Variants in HYDIN observed in about 807,000 individuals in gnomAD.
The protein encoded by HYDIN is axonemal central pair apparatus protein HYDIN.
A neutral mutation model predicts 403.9 loss-of-function variants in HYDIN; 132 were observed. That is an observed-to-expected ratio of 0.33 (90% CI 0.28 to 0.38). The LOEUF is 0.38. Ranked by LOEUF, HYDIN falls within the 10% of genes least tolerant of loss-of-function variation. HYDIN has a pLI of 1.00. For missense variants in HYDIN, 2,827 were observed against 5,009.5 expected, an observed-to-expected ratio of 0.56 and a Z score of 13.15; for synonymous variants, 1,202 against 1,891.7, an observed-to-expected ratio of 0.64 and a Z score of 9.46.
chr16:71,176,827 T>C (rs1315552439), intron 4 of HYDIN, among the ~76,000 whole-genome samples: 2 of 152,216 alleles, frequency 1.3e-5, no homozygotes, highest in Non-Finnish European at 2.9e-5. Flanking sequence ...ATCCTCTGTG[T>C]GTGAGGGACG....
intron 83 of HYDIN, among the ~76,000 whole-genome samples, chr16:70,820,018 C>CA (rs1298309787): frequency 4.0e-5 from 5 of 126,324 alleles, no homozygotes; most frequent in Non-Finnish European, 8.3e-5. Flanking sequence ...GACGGGGTTT[C>CA]ACCGTGTTAG....
chr16:71,097,747 C>A (rs1414787467), intron 10 of HYDIN, among the ~76,000 whole-genome samples: 1 of 149,056 alleles, frequency 6.7e-6, no homozygotes, highest in Non-Finnish European at 1.5e-5. Flanking sequence ...CATATAATTT[C>A]AAGTTCTCTA....
chr16:70,959,061 T>C (rs558884197), intron 39 of HYDIN, among the ~76,000 whole-genome samples: 9 of 152,196 alleles, frequency 5.9e-5, no homozygotes, highest in South Asian at 2.1e-4. Context: ...ATTTTTTTTT[T>C]CCCAATGTAG....
Position 70,862,161 on chromosome 16 carries a change from C to T in HYDIN, c.11664G>A (p.Gln3888=), listed in dbSNP as rs372684458. The T allele has an allele frequency of 1.6e-5, 25 of 1,612,902 alleles. No individual in the cohort carries two copies. In the African/African-American group the frequency reaches 3.2e-4, roughly 21 times the overall value. ...CCGAAGAGGGCTCCACAGAGAAGGG[C>T]TGTGGGGAACCCTCGGCCCAGTGGT... ...TMDHWAEGSP[Q]PFSVEPSSGI... is the part of the protein sequence containing the mutation. Residue 3888 remains glutamine, a synonymous_variant, in exon 69 of 86, where the codon CAG becomes CAA. Transcript: ENST00000393567.
chr16:70,913,406 T>C (rs1285934861), intron 47 of HYDIN, among the ~76,000 whole-genome samples: 1 of 152,008 alleles, frequency 6.6e-6, no homozygotes, highest in East Asian at 1.9e-4. Flanking sequence ...CGGGAGCAGG[T>C]TATTTAATTT....
chr16:71,146,031 A>G (rs901783808), intron 7 of HYDIN, among the ~76,000 whole-genome samples: 1 of 152,236 alleles, frequency 6.6e-6, no homozygotes, highest in Non-Finnish European at 1.5e-5. Flanking sequence ...CAACATATGT[A>G]GAGTTGTTTA....
chr16:70,866,999 T>C (rs1272801095), intron 66 of HYDIN, among the ~76,000 whole-genome samples: 1 of 130,040 alleles, frequency 7.7e-6, no homozygotes, highest in Non-Finnish European at 1.6e-5. Flanking sequence ...TATTCTGGCC[T>C]GGGCGAAAGA....
intron 80 of HYDIN, among the ~76,000 whole-genome samples, chr16:70,832,541 C>A (rs1286270371): frequency 6.6e-6 from 1 of 151,756 alleles, no homozygotes; most frequent in East Asian, 1.9e-4. Context: ...TATACCAAGG[C>A]CATTTTTTTT....
intron 73 of HYDIN, among the ~76,000 whole-genome samples, chr16:70,854,099 C>T (rs1378866787): frequency 2.0e-5 from 3 of 150,568 alleles, no homozygotes; most frequent in South Asian, 4.2e-4. Flanking sequence ...AGGCTAGTCT[C>T]GAACTCCTGA....
At chr16:70,851,107 T>C (rs1308545796) in intron 73 of HYDIN, among the ~76,000 whole-genome samples, 2 of 147,030 alleles carry the variant, frequency 1.4e-5, no homozygotes, top group African/African-American at 2.5e-5. Context: ...GAAAACACCA[T>C]CGTAGACATC....
At chr16:71,193,250 G>A (rs1402088880) in intron 1 of HYDIN, among the ~76,000 whole-genome samples, 1 of 152,154 alleles carries the variant, frequency 6.6e-6, no homozygotes, top group Non-Finnish European at 1.5e-5. Context: ...ATTTTCACTA[G>A]GCCAAAACAC....
chr16:70,992,493 C>G, intron 23 of HYDIN, among the ~76,000 whole-genome samples: 1 of 144,530 alleles, frequency 6.9e-6, no homozygotes, highest in Non-Finnish European at 1.5e-5. Flanking sequence ...TTTTTACCAT[C>G]CCTGTTAGAT....
chr16:70,817,291 T>G (rs2143451492), intron 84 of HYDIN: 1 of 151,834 alleles, frequency 6.6e-6, no homozygotes, highest in South Asian at 2.1e-4. Context: ...GTGAAAGCTA[T>G]GCACACTCTA....
intron 4 of HYDIN, among the ~76,000 whole-genome samples, chr16:71,178,185 C>A (rs1294900543): frequency 1.3e-5 from 2 of 151,946 alleles, no homozygotes; most frequent in South Asian, 2.1e-4. Context: ...TTTGGGAGAC[C>A]GAAGTGGGTG....
At chr16:70,817,751 T>A (rs1469413226) in intron 84 of HYDIN, among the ~76,000 whole-genome samples, 1 of 152,024 alleles carries the variant, frequency 6.6e-6, no homozygotes, top group Non-Finnish European at 1.5e-5. Flanking sequence ...TTTTATTTTA[T>A]ATTATTTTGA....
intron 1 of HYDIN, among the ~76,000 whole-genome samples, chr16:71,191,015 A>G (rs1042459923): frequency 2.6e-5 from 4 of 152,194 alleles, no homozygotes; most frequent in African/African-American, 9.6e-5. Context: ...GAAGGGAAGG[A>G]GAGAGAGAAG....
chr16:70,806,380 CT>C lies in HYDIN; in HGVS notation c.*1199del, dbSNP rs1271467267. ...AAAGCTTTTTTGGTCCTAGAGTATA[CT>C]GGGCTAGGGTTGTGGGGAGGTACAG... On this transcript the variant is annotated 3_prime_UTR_variant, in exon 86 of 86. Transcript: ENST00000393567. Among the ~76,000 whole-genome samples, 1 of 152,084 alleles carries C rather than the reference CT, an allele frequency of 6.6e-6. No individual in the cohort carries two copies. The highest frequency in any genetic ancestry group is 1.9e-4 in the East Asian group (1 of 5,204).
intron 1 of HYDIN, among the ~76,000 whole-genome samples, chr16:71,210,977 A>G (rs2088557864): frequency 6.6e-6 from 1 of 152,156 alleles, no homozygotes; most frequent in Admixed American, 6.5e-5. Context: ...ATAAAATAAA[A>G]CAATTTAATA....
intron 40 of HYDIN, among the ~76,000 whole-genome samples, chr16:70,953,246 A>G (rs2078127316): frequency 6.6e-6 from 1 of 151,444 alleles, no homozygotes; most frequent in African/African-American, 2.4e-5. Context: ...TCCTTTATGA[A>G]TCTTTATTAT....
Sources: allele counts gnomAD v4.1 joint callset (sites outside exome capture counted in the v4.1 genomes callset), GRCh38; gene constraint gnomAD v4.1.1; transcripts MANE v1.5; gene names NCBI Gene and HGNC (gene_info 2026-07-23, HGNC 2026-07-21).